Variants in DLG2 observed in about 807,000 individuals in gnomAD.
The protein encoded by DLG2 is disks large homolog 2.
Under a neutral mutation model 132.5 loss-of-function variants are expected in DLG2, and 45 were observed. The observed-to-expected ratio is 0.34, with a 90% CI of 0.27 to 0.44. The LOEUF (loss-of-function observed/expected upper bound fraction) is 0.44, where lower values mean the gene tolerates loss of function less well. Among genes scored for constraint, DLG2 ranks in the 20% least tolerant of loss-of-function variants. The pLI, the probability that DLG2 is intolerant of heterozygous loss-of-function variation, is 1.00. For synonymous variants in DLG2, 424 were observed against 419.6 expected (o/e 1.01, Z -0.13); for missense variants, 1,045 against 1,196.9 (o/e 0.87, Z 1.87).
intron 5 of DLG2, among the ~76,000 whole-genome samples, chr11:85,153,609 T>C (rs1301477537): frequency 1.3e-5 from 2 of 152,178 alleles, no homozygotes; most frequent in African/African-American, 4.8e-5. Flanking sequence ...TATTTTAAAT[T>C]GTTCAAAGGA....
chr11:85,583,055 AAAATAT>A (rs1565716817), intron 3 of DLG2, among the ~76,000 whole-genome samples: 2 of 118,904 alleles, frequency 1.7e-5, no homozygotes, highest in Non-Finnish European at 3.2e-5. Flanking sequence ...GGGGAAAAAA[AAAATAT>A]ATATATATAT....
chr11:84,772,038 T>C (rs1393120766), intron 6 of DLG2, among the ~76,000 whole-genome samples: 2 of 152,004 alleles, frequency 1.3e-5, no homozygotes, highest in Non-Finnish European at 2.9e-5. Context: ...ATGACCCCCA[T>C]AGGCTCAATC....
At chr11:83,860,572 T>G in intron 16 of DLG2, among the ~76,000 whole-genome samples, 1 of 152,228 alleles carries the variant, frequency 6.6e-6, no homozygotes, top group Non-Finnish European at 1.5e-5. Context: ...TAAAGTGCTT[T>G]TGATTTTACA....
At position 85,304,728 on chromosome 11, in the gene DLG2, T is replaced by C. The variant is rs186564429; in HGVS notation, c.41-19363A>G. Among the ~76,000 whole-genome samples the C allele has an allele frequency of 1.3e-4, 20 of 152,280 alleles. 1 individual carries two copies. The highest frequency in any genetic ancestry group is 3.9e-4 in the African/African-American group (16 of 41,554). The stretch of plus-strand genomic sequence containing the variant: ...ACGATACTCAACCTGTAGTACAGAA[T>C]ACTTCTTGATTAAACAGAAAAGGGC... On this transcript the variant is annotated intron_variant, in intron 3 of 27. Coordinates refer to ENST00000376104, the MANE Select transcript of DLG2 (RefSeq NM_001142699.3).
At chr11:85,448,365 C>A (rs2092100199) in intron 3 of DLG2, among the ~76,000 whole-genome samples, 1 of 151,982 alleles carries the variant, frequency 6.6e-6, no homozygotes, top group South Asian at 2.1e-4. Context: ...TGAGCAGAGA[C>A]CTTGAGATAA....
At chr11:85,480,165 G>A (rs901993150) in intron 3 of DLG2, among the ~76,000 whole-genome samples, 2 of 152,198 alleles carry the variant, frequency 1.3e-5, no homozygotes, top group Non-Finnish European at 2.9e-5. Flanking sequence ...TTTGCTGATG[G>A]AAGTATAAAT....
chr11:84,073,474 T>C (rs766042840), intron 10 of DLG2, among the ~76,000 whole-genome samples: 2 of 152,130 alleles, frequency 1.3e-5, no homozygotes, highest in Non-Finnish European at 2.9e-5. Context: ...CAACATATAT[T>C]GAAGACCTGC....
intron 8 of DLG2, among the ~76,000 whole-genome samples, chr11:84,221,924 ATAT>A (rs1247338023): frequency 3.3e-5 from 5 of 152,134 alleles, no homozygotes; most frequent in Admixed American, 1.3e-4. Flanking sequence ...GCATTTATAG[ATAT>A]TATGTTATTA....
intron 21 of DLG2, among the ~76,000 whole-genome samples, chr11:83,522,145 T>A (rs912353632): frequency 1.1e-4 from 16 of 152,184 alleles, no homozygotes; most frequent in African/African-American, 3.9e-4. Flanking sequence ...GTTTTCTAAG[T>A]GTTAAAGTGC....
intron 3 of DLG2, among the ~76,000 whole-genome samples, chr11:85,396,978 A>C (rs2087449427): frequency 6.6e-6 from 1 of 152,202 alleles, no homozygotes; most frequent in Non-Finnish European, 1.5e-5. Context: ...TATAATTGTC[A>C]GATTTGCCAA....
intron 7 of DLG2, among the ~76,000 whole-genome samples, chr11:84,378,783 C>CAA (rs57445837): frequency 0.054 from 7,686 of 142,988 alleles, 625 homozygotes; most frequent in African/African-American, 0.17. Flanking sequence ...ACAAAAAATA[C>CAA]AAAAAAAAAA....
chr11:85,436,939 G>A (rs184056131), intron 3 of DLG2, among the ~76,000 whole-genome samples: 74 of 152,272 alleles, frequency 4.9e-4, no homozygotes, highest in South Asian at 3.7e-3. Flanking sequence ...AGAAAATGTG[G>A]TACATATATA....
At chr11:84,720,610 A>AG (rs879572814) in intron 6 of DLG2, among the ~76,000 whole-genome samples, 44 of 152,158 alleles carry the variant, frequency 2.9e-4, no homozygotes, top group Non-Finnish European at 5.3e-4. Flanking sequence ...GTGTGGGGGG[A>AG]GGGACAGAAC....
chr11:84,187,600 T>A (rs1040023100), intron 8 of DLG2, among the ~76,000 whole-genome samples: 1 of 152,070 alleles, frequency 6.6e-6, no homozygotes, highest in African/African-American at 2.4e-5. Flanking sequence ...TTTCTTCTTA[T>A]GTCTACCTCC....
intron 6 of DLG2, among the ~76,000 whole-genome samples, chr11:85,049,037 T>A (rs1419378338): frequency 1.3e-5 from 2 of 152,084 alleles, no homozygotes; most frequent in African/African-American, 4.8e-5. Flanking sequence ...TGCTTTGTTC[T>A]TCAAGTACTT....
At chr11:84,973,412 T>A (rs2054387084) in intron 6 of DLG2, among the ~76,000 whole-genome samples, 1 of 152,246 alleles carries the variant, frequency 6.6e-6, no homozygotes, top group South Asian at 2.1e-4. Context: ...TCGTGAAATG[T>A]ACCTTCTGGA....
At chr11:83,980,676 T>G in intron 11 of DLG2, 34 bp from the exon 12 acceptor site, 1 of 1,495,316 alleles carries the variant, frequency 6.7e-7, no homozygotes, top group Middle Eastern at 1.8e-4. Context: ...GAAAGCCTTG[T>G]TTTGTTGTTG....
intron 7 of DLG2, among the ~76,000 whole-genome samples, chr11:84,388,537 G>T (rs1345235608): frequency 1.3e-5 from 2 of 151,996 alleles, no homozygotes; most frequent in African/African-American, 4.8e-5. Context: ...TTAATTTATA[G>T]ATTCCTAATT....
At chr11:85,192,112 C>T (rs2080634627) in intron 4 of DLG2, among the ~76,000 whole-genome samples, 1 of 152,160 alleles carries the variant, frequency 6.6e-6, no homozygotes, top group South Asian at 2.1e-4. Flanking sequence ...GTGGAATTCG[C>T]GTACAGGCTT....
Sources: allele counts gnomAD v4.1 joint callset (sites outside exome capture counted in the v4.1 genomes callset), GRCh38; gene constraint gnomAD v4.1.1; transcripts MANE v1.5; gene names NCBI Gene and HGNC (gene_info 2026-07-23, HGNC 2026-07-21).